PDZD8: variants seen among roughly 807,000 people sequenced by gnomAD.
PDZD8 encodes the protein PDZ domain-containing protein 8.
In PDZD8, 14 loss-of-function variants were observed where a neutral mutation model predicts 85.8. The ratio of observed to expected loss-of-function variants is 0.16; its 90% CI spans 0.11 to 0.26. The LOEUF (loss-of-function observed/expected upper bound fraction) is 0.26, where lower values mean the gene tolerates loss of function less well. Ranked by LOEUF, PDZD8 falls within the 10% of genes least tolerant of loss-of-function variation. The pLI is 1.00. For synonymous variants in PDZD8, 592 were observed against 568.6 expected (o/e 1.04, Z -0.59); for missense variants, 1,197 against 1,424.3 (o/e 0.84, Z 2.57).
intron 1 of PDZD8, among the ~76,000 whole-genome samples, chr10:117,365,205 A>G (rs1845067452): frequency 6.6e-6 from 1 of 152,166 alleles, no homozygotes; most frequent in African/African-American, 2.4e-5. Context: ...TGGTGCCATT[A>G]TTTACATTAG....
At chr10:117,294,535 T>C (rs948222539) in intron 3 of PDZD8, among the ~76,000 whole-genome samples, 17 of 152,140 alleles carry the variant, frequency 1.1e-4, no homozygotes, top group Non-Finnish European at 2.5e-4. Context: ...ATTGGTATGA[T>C]GAAGATATAC....
intron 2 of PDZD8, among the ~76,000 whole-genome samples, chr10:117,331,742 A>G (rs1042420690): frequency 6.6e-6 from 1 of 152,200 alleles, no homozygotes; most frequent in Non-Finnish European, 1.5e-5. Context: ...ACATTCTCTT[A>G]CAATTCAGAC....
chr10:117,375,123 C>A lies in PDZD8; in HGVS notation c.105G>T (p.Ala35=). Residue 35 remains alanine, a synonymous_variant, in exon 1 of 5, where the codon GCG becomes GCT. Coordinates refer to ENST00000334464, the MANE Select transcript of PDZD8 (RefSeq NM_173791.5). ...LLYRRQPEPP[A]DEAARAGEGF... ...CCTCGCCCGCGCGGGCGGCCTCGTC[C>A]GCCGGCGGCTCGGGCTGTCTGCGGT... 1.9e-6 allele frequency: 3 copies of A among 1,592,698 alleles called. No homozygotes were observed. Among genetic ancestry groups the A allele is most frequent in the Non-Finnish European group, 2.6e-6 (3 of 1,175,238 alleles).
In PDZD8 at chr10:117,279,698, A is replaced by C. The variant is rs1187997840; in HGVS notation, c.*3570T>G. ...AAACATTGTTGTCCTGATGGTTGTC[A>C]ACAAATAACCATATCTGATGAAAAC... On this transcript the variant is annotated 3_prime_UTR_variant, in exon 5 of 5. Transcript: ENST00000334464. The C allele has an allele frequency of 6.6e-6, 1 of 152,220 alleles. No homozygotes were observed. Among genetic ancestry groups the C allele is most frequent in the Non-Finnish European group, 1.5e-5 (1 of 68,040 alleles). The allele number at this position is 152,220 out of a possible 1,614,324, so 9.4% of individuals were successfully genotyped here. A position where few individuals can be genotyped will look rare whatever the true frequency, so the allele number is the denominator to read the frequency against.
chr10:117,327,981 A>G (rs1026287809), intron 2 of PDZD8, among the ~76,000 whole-genome samples: 2 of 152,254 alleles, frequency 1.3e-5, no homozygotes, highest in Non-Finnish European at 2.9e-5. Flanking sequence ...CTCTAATAAA[A>G]TAACATTAGT....
chr10:117,316,762 A>G (rs1038862237), intron 3 of PDZD8, among the ~76,000 whole-genome samples: 11 of 152,188 alleles, frequency 7.2e-5, no homozygotes, highest in Non-Finnish European at 1.2e-4. Context: ...AAAGCCATTC[A>G]TAACTCCGTT....
intron 1 of PDZD8, among the ~76,000 whole-genome samples, chr10:117,368,599 G>A (rs950714239): frequency 1.3e-5 from 2 of 152,042 alleles, no homozygotes; most frequent in Non-Finnish European, 2.9e-5. Context: ...TTTGAGATAC[G>A]GATCACTCAA....
Position 117,374,347 on chromosome 10 carries a change from C to G in PDZD8, c.872+9G>C. 6.2e-7 allele frequency: 1 copy of G among 1,610,828 alleles called. No homozygotes were observed. The highest frequency in any genetic ancestry group is 8.5e-7 in the Non-Finnish European group (1 of 1,177,298). ...GGCAGCCAGGCCCCCTCCCCGACCT[C>G]CAGCTCACCTGATCTTGTAATTCGG... On this transcript the variant is annotated intron_variant, in intron 1 of 4. Transcript: ENST00000334464. The surrounding 1 kb of genome is among the most constrained non-coding windows in gnomAD (Gnocchi z 7.8).
chr10:117,370,918 TTG>T (rs71475194), intron 1 of PDZD8, among the ~76,000 whole-genome samples: 14,923 of 146,240 alleles, frequency 0.1, 804 homozygotes, highest in Admixed American at 0.15. Flanking sequence ...ACAACATAGT[TTG>T]TGTGTGTGTG....
chr10:117,366,556 C>T (rs1468899971), intron 1 of PDZD8, among the ~76,000 whole-genome samples: 1 of 150,972 alleles, frequency 6.6e-6, no homozygotes, highest in African/African-American at 2.4e-5. Flanking sequence ...CTGTCACTAC[C>T]ACCACCACTA....
chr10:117,343,960 A>C (rs181440), intron 1 of PDZD8, among the ~76,000 whole-genome samples: 69,234 of 152,056 alleles, frequency 0.46, 16,480 homozygotes, highest in East Asian at 0.54. Context: ...GGCTACCTCT[A>C]TCACTTTCTT....
chr10:117,295,931 C>T (rs1843748146), intron 3 of PDZD8, among the ~76,000 whole-genome samples: 1 of 151,392 alleles, frequency 6.6e-6, no homozygotes, highest in Admixed American at 6.6e-5. Flanking sequence ...AGTAACAAGG[C>T]AAGGATTTCT....
rs1443211954 is a variant in PDZD8 at position 117,355,723 on chromosome 10, G to A, written c.873-14621C>T. ...GTACCATGCCAGCAAACACTCAATAGACATTAGTTATTATTACTGTTCAGC... is the reference window on the plus strand; with the variant it reads ...GTACCATGCCAGCAAACACTCAATAAACATTAGTTATTATTACTGTTCAGC... On this transcript the variant is annotated intron_variant, in intron 1 of 4. Transcript: ENST00000334464. 3.3e-5 allele frequency among the ~76,000 whole-genome samples: 5 copies of A among 152,106 alleles called. No individual in the cohort carries two copies. The South Asian group carries it at 8.3e-4, about 25-fold the overall frequency.
At chr10:117,355,190 C>T (rs1044799821) in intron 1 of PDZD8, among the ~76,000 whole-genome samples, 2 of 152,134 alleles carry the variant, frequency 1.3e-5, no homozygotes, top group African/African-American at 4.8e-5. Context: ...TATTATTTCT[C>T]CTGAGAAACT....
At chr10:117,329,052 CT>C (rs1466725123) in intron 2 of PDZD8, among the ~76,000 whole-genome samples, 1 of 152,180 alleles carries the variant, frequency 6.6e-6, no homozygotes, top group Non-Finnish European at 1.5e-5. Flanking sequence ...AAAAGGATAA[CT>C]TTTCATTTCA....
At position 117,282,501 on chromosome 10, in the gene PDZD8, C is replaced by A. The variant is rs1345890796; in HGVS notation, c.*767G>T. The stretch of plus-strand genomic sequence containing the variant: ...TTATCCTCTCTACAAAATTCTTGAC[C>A]AACTGCAATCTACATTTATTTCCTA... On this transcript the variant is annotated 3_prime_UTR_variant, in exon 5 of 5. Coordinates refer to ENST00000334464, the MANE Select transcript of PDZD8 (RefSeq NM_173791.5). The A allele has an allele frequency of 6.6e-6, 1 of 152,016 alleles. No individual in the cohort carries two copies. The highest frequency in any genetic ancestry group is 1.5e-5 in the Non-Finnish European group (1 of 67,998). The allele number at this position is 152,016 out of a possible 1,614,324, so 9.4% of individuals were successfully genotyped here.
At chr10:117,344,679 G>A (rs981999091) in intron 1 of PDZD8, among the ~76,000 whole-genome samples, 1 of 152,122 alleles carries the variant, frequency 6.6e-6, no homozygotes, top group Non-Finnish European at 1.5e-5. Flanking sequence ...GAGCCACCAC[G>A]CCCGGCCACT....
chr10:117,292,579 T>A (rs1220503604), intron 3 of PDZD8, among the ~76,000 whole-genome samples: 4 of 7,084 alleles, frequency 5.6e-4, no homozygotes, highest in East Asian at 4.5e-3. Flanking sequence ...TTGGAATGTG[T>A]TTTTTTTTTT....
intron 3 of PDZD8, among the ~76,000 whole-genome samples, chr10:117,295,779 C>T (rs1010838474): frequency 2.6e-5 from 4 of 152,044 alleles, no homozygotes; most frequent in South Asian, 2.1e-4. Flanking sequence ...AAAAAATTAA[C>T]AAAATCCAAT....
Sources: allele counts gnomAD v4.1 joint callset (sites outside exome capture counted in the v4.1 genomes callset), GRCh38; gene constraint gnomAD v4.1.1; non-coding constraint Gnocchi (gnomAD v3.1); transcripts MANE v1.5; gene names NCBI Gene and HGNC (gene_info 2026-07-23, HGNC 2026-07-21).